The following SLCO2B1 variants were observed in gnomAD, a reference collection of about 807,000 sequenced individuals.
SLCO2B1 encodes solute carrier organic anion transporter family member 2B1, also known as OATP-RP2.
SLCO2B1 carries 41 observed loss-of-function variants against 67.3 expected under a neutral mutation model. The ratio of observed to expected loss-of-function variants is 0.61; its 90% CI spans 0.47 to 0.79. SLCO2B1 has a LOEUF of 0.79. Among genes scored for constraint, SLCO2B1 ranks in the 30% least tolerant of loss-of-function variants. The pLI is 0.00. For missense variants in SLCO2B1, 837 were observed against 920.1 expected (o/e 0.91, Z 1.17); for synonymous variants, 379 against 381.4 (o/e 0.99, Z 0.07).
chr11:75,202,709 G>A lies in SLCO2B1; in HGVS notation c.1764-192G>A, dbSNP rs1381284135. On this transcript the variant is annotated intron_variant, in intron 11 of 13. Coordinates refer to ENST00000289575, the MANE Select transcript of SLCO2B1 (RefSeq NM_007256.5). ...TCAGTGGGTGTGTTGTCTTGTATAT[G>A]GGACCAGGCTCTGCAGGTTGAAAAA... is the stretch of plus-strand genomic sequence containing the variant. 9.8e-6 allele frequency: 6 copies of A among 612,096 alleles called. No homozygotes were observed. In the South Asian group the frequency reaches 1.1e-4, roughly 12 times the overall value. The allele number at this position is 612,096 out of a possible 1,614,324, so 37.9% of individuals were successfully genotyped here. A position where few individuals can be genotyped will look rare whatever the true frequency, so the allele number is the denominator to read the frequency against.
At chr11:75,203,286 C>G in intron 12 of SLCO2B1, 21 bp from the exon 13 acceptor site, 1 of 1,611,228 alleles carries the variant, frequency 6.2e-7, no homozygotes, top group Non-Finnish European at 8.5e-7. Context: ...TTCATTGTCC[C>G]CTGAGCACCA....
At chr11:75,164,132 A>C in intron 3 of SLCO2B1, 32 bp downstream of exon 3, 1 of 1,597,986 alleles carries the variant, frequency 6.3e-7, no homozygotes, top group Non-Finnish European at 8.5e-7. Flanking sequence ...AGGGGTGGAC[A>C]CTGAGGGAGG....
Position 75,156,223 on chromosome 11 carries a change from A to G in SLCO2B1, c.16+4826A>G, listed in dbSNP as rs559516950. On this transcript the variant is annotated intron_variant, in intron 1 of 13. Coordinates refer to ENST00000289575, the MANE Select transcript of SLCO2B1 (RefSeq NM_007256.5). ...AAAGTCTTCTCACCCAGAGGCTTTC[A>G]GCAGGGAACTAACATGATCCACCAG... is the stretch of plus-strand genomic sequence containing the variant. 3.3e-5 allele frequency among the ~76,000 whole-genome samples: 5 copies of G among 152,356 alleles called. No individual in the cohort carries two copies. In the East Asian group the frequency reaches 9.6e-4, roughly 29 times the overall value.
chr11:75,204,509 T>A lies in SLCO2B1; in HGVS notation c.2059T>A (p.Ser687Thr), dbSNP rs1945240678. The change falls in exon 14 of 14, where the codon TCC (serine) becomes ACC (threonine). Residue 687 changes from serine to threonine, a missense_variant. By Grantham distance (58) the Ser-to-Thr change is moderately conservative. Coordinates refer to ENST00000289575, the MANE Select transcript of SLCO2B1 (RefSeq NM_007256.5). ...DKEARTKESR[S>T]SPAVEQQLLV... ...AGAGGCAAGGACCAAAGAGAGCAGA[T>A]CCAGCCCTGCCGTAGAGCAGCAATT... 1 of 1,613,474 alleles carries A rather than the reference T, an allele frequency of 6.2e-7. No homozygotes were observed. Among genetic ancestry groups the A allele is most frequent in the East Asian group, 2.2e-5 (1 of 44,866 alleles).
chr11:75,151,147 A>C lies in SLCO2B1; in HGVS notation c.-235A>C. ...CCCAGGGAGACAAACACTTGGAGATACTTGGGGCTGAGTTTGAGCAAGACT... is the reference window on the plus strand; with the variant it reads ...CCCAGGGAGACAAACACTTGGAGATCCTTGGGGCTGAGTTTGAGCAAGACT... On this transcript the variant is annotated 5_prime_UTR_variant, in exon 1 of 14. Transcript: ENST00000289575. The C allele has an allele frequency of 3.8e-6, 2 of 532,484 alleles. 1 individual carries two copies. The highest frequency in any genetic ancestry group is 5.6e-5 in the South Asian group (2 of 35,782). The allele number at this position is 532,484 out of a possible 1,614,324, so 33.0% of individuals were successfully genotyped here.
intron 1 of SLCO2B1, among the ~76,000 whole-genome samples, chr11:75,161,144 T>C (rs1949815016): frequency 6.6e-6 from 1 of 152,232 alleles, no homozygotes; most frequent in Admixed American, 6.5e-5. Context: ...ATGCTTCTAA[T>C]ACCTAAGACT....
At chr11:75,190,165 CTGTT>C (rs1404905117) in intron 8 of SLCO2B1, among the ~76,000 whole-genome samples, 2 of 152,202 alleles carry the variant, frequency 1.3e-5, no homozygotes, top group Non-Finnish European at 2.9e-5. Context: ...TTATTAATCA[CTGTT>C]TGGGCTTCTG....
At chr11:75,203,232 G>T (rs1319188997) in intron 12 of SLCO2B1, 75 bp from the exon 13 acceptor site, 2 of 1,566,946 alleles carry the variant, frequency 1.3e-6, no homozygotes, top group Non-Finnish European at 1.7e-6. Flanking sequence ...GAGCCCCTGA[G>T]GGGTTGTACA....
intron 1 of SLCO2B1, among the ~76,000 whole-genome samples, chr11:75,156,279 T>C (rs1416043647): frequency 6.6e-6 from 1 of 152,118 alleles, no homozygotes; most frequent in East Asian, 1.9e-4. Context: ...ACCTCTGCCC[T>C]GGGGGAGTTT....
chr11:75,189,524 G>A (rs1944986565), intron 8 of SLCO2B1, among the ~76,000 whole-genome samples: 1 of 152,200 alleles, frequency 6.6e-6, no homozygotes, highest in Non-Finnish European at 1.5e-5. Context: ...TTCTGACCAT[G>A]CCCTAGGATA....
At chr11:75,172,156 C>T (rs1381927388) in intron 6 of SLCO2B1, among the ~76,000 whole-genome samples, 3 of 152,156 alleles carry the variant, frequency 2.0e-5, no homozygotes, top group Non-Finnish European at 4.4e-5. Context: ...TGGCCTTGAC[C>T]ACTGCACTAT....
Position 75,165,792 on chromosome 11 carries a change from G to C in SLCO2B1, c.291G>C (p.Gly97=). 1 of 1,614,108 alleles carries C rather than the reference G, an allele frequency of 6.2e-7. No individual in the cohort carries two copies. Among genetic ancestry groups the C allele is most frequent in the Admixed American group, 1.7e-5 (1 of 60,028 alleles). The change falls in exon 4 of 14, where the codon GGG becomes GGC. Residue 97 remains glycine, a synonymous_variant. Transcript: ENST00000289575. ...GTCACCTCGTCCTTTTGCAGGTGGGGAACACAGCCTTGATTGTGTTTGTGA... is the reference window on the plus strand; with the variant it reads ...GTCACCTCGTCCTTTTGCAGGTGGGCAACACAGCCTTGATTGTGTTTGTGA... ...SGLLASFNEV[G]NTALIVFVSY...
chr11:75,172,897 C>A (rs1006471445), intron 7 of SLCO2B1, among the ~76,000 whole-genome samples: 2 of 151,684 alleles, frequency 1.3e-5, no homozygotes, highest in Non-Finnish European at 2.9e-5. Flanking sequence ...CCACTGCACT[C>A]CAGCCTGGGC....
intron 9 of SLCO2B1, among the ~76,000 whole-genome samples, chr11:75,194,757 T>C (rs1945076994): frequency 6.6e-6 from 1 of 152,190 alleles, no homozygotes; most frequent in South Asian, 2.1e-4. Context: ...ATGGATATTT[T>C]ATCACAATTT....
In SLCO2B1 at chr11:75,172,488, C is replaced by CCCCAAGGAAATG; in HGVS notation, c.902_913dup (p.Met301_Glu304dup). On this transcript the variant is annotated inframe_insertion, in exon 7 of 14. Coordinates refer to ENST00000289575, the MANE Select transcript of SLCO2B1 (RefSeq NM_007256.5). ...TGGCTGCCATCCCCTACTTCTTCTTCCCCAAGGAAATGCCCAAGGAAAAAC... is the reference window on the plus strand; with the variant it reads ...TGGCTGCCATCCCCTACTTCTTCTTCCCCAAGGAAATGCCCAAGGAAATGCCCAAGGAAAAAC... 1.2e-6 allele frequency: 2 copies of CCCCAAGGAAATG among 1,614,206 alleles called. No homozygotes were observed. Among genetic ancestry groups the CCCCAAGGAAATG allele is most frequent in the Non-Finnish European group, 1.7e-6 (2 of 1,180,038 alleles).
At chr11:75,177,071 G>A (rs138018806) in intron 7 of SLCO2B1, among the ~76,000 whole-genome samples, 1,574 of 152,200 alleles carry the variant, frequency 0.01, 17 homozygotes, top group African/African-American at 0.036. Flanking sequence ...GGGGCAATCT[G>A]CTTGAGTGGT....
At chr11:75,164,907 C>A (rs1393073283) in intron 3 of SLCO2B1, among the ~76,000 whole-genome samples, 1 of 152,148 alleles carries the variant, frequency 6.6e-6, no homozygotes, top group Non-Finnish European at 1.5e-5. Flanking sequence ...ATGAATACGG[C>A]CACTATGGAG....
At position 75,165,855 on chromosome 11, in the gene SLCO2B1, T is replaced by G; in HGVS notation, c.354T>G (p.Ile118Met). 6.2e-7 allele frequency: 1 copy of G among 1,614,172 alleles called. No homozygotes were observed. The highest frequency in any genetic ancestry group is 8.5e-7 in the Non-Finnish European group (1 of 1,180,008). The change falls in exon 4 of 14, where the codon ATT (isoleucine) becomes ATG (methionine). Residue 118 changes from isoleucine to methionine, a missense_variant. By Grantham distance (10) the Ile-to-Met change is conservative. Coordinates refer to ENST00000289575, the MANE Select transcript of SLCO2B1 (RefSeq NM_007256.5). ...FGSRVHRPRM[I>M]GYGAILVALA... The stretch of plus-strand genomic sequence containing the variant: ...GCCGGGTGCACCGACCCCGAATGAT[T>G]GGCTATGGGGCTATCCTTGTGGCCC...
chr11:75,189,019 C>T (rs922701197), intron 8 of SLCO2B1, among the ~76,000 whole-genome samples: 2 of 152,224 alleles, frequency 1.3e-5, no homozygotes, highest in African/African-American at 2.4e-5. Context: ...GGGCTAATAT[C>T]CAGAACCTGG....
Sources: gnomAD v4.1 joint callset for allele counts (sites outside exome capture counted in the v4.1 genomes callset) on GRCh38, gnomAD v4.1.1 for gene constraint, MANE v1.5 for transcripts, NCBI Gene and HGNC (gene_info 2026-07-23, HGNC 2026-07-21) for gene names.